PAPSS2: variants seen among roughly 807,000 people sequenced by gnomAD.
The protein encoded by PAPSS2 is 3'-phosphoadenosine 5'-phosphosulfate synthase 2.
PAPSS2 carries 61 observed loss-of-function variants against 66.5 expected under a neutral mutation model. That is an observed-to-expected ratio of 0.92 (90% confidence interval 0.75 to 1.14). The LOEUF is 1.14. Among genes scored for constraint, PAPSS2 ranks in the 50% most tolerant of loss-of-function variants. The probability of loss-of-function intolerance (pLI) is 0.00; values close to 1 mark genes in which losing one functional copy is unlikely to be tolerated. For missense variants in PAPSS2, 708 were observed against 789.6 expected, an observed-to-expected ratio of 0.90 and a Z score of 1.24; for synonymous variants, 289 against 287.5, an observed-to-expected ratio of 1.01 and a Z score of -0.05.
chr10:87,705,583 G>C lies in PAPSS2; in HGVS notation c.28-3613G>C, dbSNP rs530679314. On this transcript the variant is annotated intron_variant, in intron 1 of 12. Transcript: ENST00000456849. Reference sequence around the variant, plus strand: ...TTTGCTGCCATTAGATATTATCAGTGACCTCTCATTTTAGTTTTAATTTGC... The same window carrying C: ...TTTGCTGCCATTAGATATTATCAGTCACCTCTCATTTTAGTTTTAATTTGC... Among the ~76,000 whole-genome samples the C allele has an allele frequency of 6.6e-5, 10 of 152,200 alleles. No homozygotes were observed. In the East Asian group the frequency reaches 1.7e-3, roughly 26 times the overall value.
At chr10:87,724,689 A>C (rs1239451875) in intron 8 of PAPSS2, among the ~76,000 whole-genome samples, 2 of 148,148 alleles carry the variant, frequency 1.3e-5, no homozygotes, top group African/African-American at 2.5e-5. Context: ...ATGGAGCCTT[A>C]TCTCTCTATG....
chr10:87,690,506 T>C (rs78794249), intron 1 of PAPSS2, among the ~76,000 whole-genome samples: 1 of 152,190 alleles, frequency 6.6e-6, no homozygotes, highest in Non-Finnish European at 1.5e-5. Flanking sequence ...CCTGCTTGTG[T>C]ATATATCTTT....
At chr10:87,742,435 A>G (rs1226527290) in intron 10 of PAPSS2, among the ~76,000 whole-genome samples, 1 of 152,224 alleles carries the variant, frequency 6.6e-6, no homozygotes, top group Non-Finnish European at 1.5e-5. Flanking sequence ...TTTATTGTAT[A>G]CATTTTGAAA....
intron 1 of PAPSS2, among the ~76,000 whole-genome samples, chr10:87,676,413 A>G (rs1166864115): frequency 6.6e-6 from 1 of 152,180 alleles, no homozygotes; most frequent in Non-Finnish European, 1.5e-5. Flanking sequence ...CCAAAAACGG[A>G]CCTGTCTTTC....
At chr10:87,728,510 C>G (rs1341558535) in intron 9 of PAPSS2, among the ~76,000 whole-genome samples, 1 of 152,142 alleles carries the variant, frequency 6.6e-6, no homozygotes, top group Admixed American at 6.5e-5. Flanking sequence ...GAGGCCGAGG[C>G]CAGCAGATCA....
chr10:87,692,160 A>G (rs1051871009), intron 1 of PAPSS2, among the ~76,000 whole-genome samples: 1 of 152,174 alleles, frequency 6.6e-6, no homozygotes, highest in Admixed American at 6.5e-5. Flanking sequence ...CCTAGCTTAC[A>G]AAATGGGGAG....
At chr10:87,692,823 C>T (rs745542283) in intron 1 of PAPSS2, among the ~76,000 whole-genome samples, 8 of 152,116 alleles carry the variant, frequency 5.3e-5, no homozygotes, top group South Asian at 2.1e-4. Flanking sequence ...GGGTAGCCCG[C>T]GAGGTTGAGT....
At chr10:87,688,704 G>T (rs888582929) in intron 1 of PAPSS2, among the ~76,000 whole-genome samples, 1 of 151,840 alleles carries the variant, frequency 6.6e-6, no homozygotes, top group Non-Finnish European at 1.5e-5. Flanking sequence ...TGATCCTCCC[G>T]CCTCGGCCTC....
intron 10 of PAPSS2, 63 bp downstream of exon 10, chr10:87,741,433 C>T: frequency 6.9e-7 from 1 of 1,452,414 alleles, no homozygotes; most frequent in Non-Finnish European, 9.6e-7. Flanking sequence ...CTTGTTCTGT[C>T]ACCCAGGCTG....
intron 8 of PAPSS2, among the ~76,000 whole-genome samples, chr10:87,725,866 A>T (rs920180348): frequency 2.6e-5 from 3 of 115,756 alleles, no homozygotes; most frequent in African/African-American, 3.6e-5. Flanking sequence ...CAGCTAATTT[A>T]AAAAAAATAT....
At chr10:87,725,884 T>TATACACACACACACACAC (rs111245073) in intron 8 of PAPSS2, among the ~76,000 whole-genome samples, 2 of 140,352 alleles carry the variant, frequency 1.4e-5, no homozygotes, top group East Asian at 2.2e-4. Context: ...TATGTGTGTA[T>TATACACACACACACACAC]ACACACACAC....
chr10:87,662,253 G>T (rs527658001), intron 1 of PAPSS2, among the ~76,000 whole-genome samples: 4 of 152,138 alleles, frequency 2.6e-5, no homozygotes, highest in Non-Finnish European at 5.9e-5. Flanking sequence ...TATACTGGGT[G>T]GGGGAGGCGG....
At position 87,743,571 on chromosome 10, in the gene PAPSS2, G is replaced by T. The variant is rs1358084233; in HGVS notation, c.1421G>T (p.Gly474Val). ...CAGCACGCGGCTGTGCTCGAGGAAG[G>T]GGTCCTGGATCCCAAGTCAACCATT... ...MKQHAAVLEE[G>V]VLDPKSTIVA... Residue 474 changes from glycine to valine, a missense_variant, in exon 11 of 13, where the codon GGG becomes GTG. By Grantham distance (109) the Gly-to-Val change is moderately radical. Coordinates refer to ENST00000456849, the MANE Select transcript of PAPSS2 (RefSeq NM_001015880.2). 2.2e-5 allele frequency: 35 copies of T among 1,614,014 alleles called. No homozygotes were observed. The highest frequency in any genetic ancestry group is 3.0e-5 in the Non-Finnish European group (35 of 1,180,004).
chr10:87,712,750 A>G (rs1853478221), intron 2 of PAPSS2, among the ~76,000 whole-genome samples: 1 of 152,010 alleles, frequency 6.6e-6, no homozygotes, highest in South Asian at 2.1e-4. Context: ...AGCCACCACC[A>G]TGCCCAGCCT....
intron 1 of PAPSS2, among the ~76,000 whole-genome samples, chr10:87,675,976 T>C (rs371639270): frequency 0.37 from 52,918 of 144,352 alleles, 11,389 homozygotes; most frequent in East Asian, 0.75. Context: ...CATTTCTTTT[T>C]TTTTTTTTTT....
At chr10:87,675,856 C>G (rs893127173) in intron 1 of PAPSS2, among the ~76,000 whole-genome samples, 3 of 152,118 alleles carry the variant, frequency 2.0e-5, no homozygotes, top group African/African-American at 7.2e-5. Context: ...GCTTGAGAAC[C>G]TCAGCCTAGC....
At chr10:87,689,423 C>T (rs1317583168) in intron 1 of PAPSS2, among the ~76,000 whole-genome samples, 1 of 151,418 alleles carries the variant, frequency 6.6e-6, no homozygotes, top group Admixed American at 6.6e-5. Flanking sequence ...GTAATCCCAG[C>T]ACTTTGGGAG....
At chr10:87,745,717 A>T in intron 12 of PAPSS2, 115 bp from the exon 13 acceptor site, 1 of 1,020,092 alleles carries the variant, frequency 9.8e-7, no homozygotes, top group Non-Finnish European at 1.5e-6. Flanking sequence ...CCACTTTTGA[A>T]GATGCAGCAT....
chr10:87,728,745 A>AG (rs1018555665), intron 9 of PAPSS2, among the ~76,000 whole-genome samples: 2 of 151,372 alleles, frequency 1.3e-5, no homozygotes, highest in Admixed American at 1.3e-4. Flanking sequence ...TGAAAGAAAA[A>AG]AAAAAGAGAG....
Sources: gnomAD v4.1 joint callset for allele counts (sites outside exome capture counted in the v4.1 genomes callset) on GRCh38, gnomAD v4.1.1 for gene constraint, MANE v1.5 for transcripts, NCBI Gene and HGNC (gene_info 2026-07-23, HGNC 2026-07-21) for gene names.